The following BAZ2A variants were observed in gnomAD, a reference collection of about 807,000 sequenced individuals.
BAZ2A encodes the protein bromodomain adjacent to zinc finger domain 2A.
BAZ2A carries 34 observed loss-of-function variants against 199.9 expected under a neutral mutation model. That is an observed-to-expected ratio of 0.17 (90% confidence interval 0.13 to 0.23). The LOEUF (loss-of-function observed/expected upper bound fraction) is 0.23. Ranked by LOEUF, BAZ2A falls within the 10% of genes least tolerant of loss-of-function variation. The pLI, the probability that BAZ2A is intolerant of heterozygous loss-of-function variation, is 1.00. For synonymous variants in BAZ2A, 857 were observed against 883.9 expected (o/e 0.97, Z 0.54); for missense variants, 2,002 against 2,391.1 (o/e 0.84, Z 3.39).
rs749228591 is a variant in BAZ2A at position 56,598,638 on chromosome 12, C to A, written c.5692G>T (p.Gly1898Ter). The A allele has an allele frequency of 6.2e-7, 1 of 1,613,624 alleles. No homozygotes were observed. Among genetic ancestry groups the A allele is most frequent in the Admixed American group, 1.7e-5 (1 of 59,976 alleles). Reference sequence around the variant, plus strand: ...TTGCCTCACAGATTGGCCTGTTTTCCCTGATAAAACTCCTCCCAGCGGCTC... The same window carrying A: ...TTGCCTCACAGATTGGCCTGTTTTCACTGATAAAACTCCTCCCAGCGGCTC... ...FESRWEEFYQ[G>*]KQANL The change falls in exon 29 of 29, where the codon GGA (glycine) becomes TGA (stop). Residue 1898 changes from glycine (G) to a stop codon, truncating the protein, a stop_gained. Coordinates refer to ENST00000549884, the MANE Select transcript of BAZ2A (RefSeq NM_001300905.2). LOFTEE classifies it high-confidence loss of function.
chr12:56,604,461 C>G, intron 15 of BAZ2A, 124 bp downstream of exon 15: 1 of 1,340,614 alleles, frequency 7.5e-7, no homozygotes. Context: ...AGTCCCAAGT[C>G]ATTCCAGCAT....
chr12:56,602,789 C>T lies in BAZ2A; in HGVS notation c.3348G>A (p.Gln1116=), dbSNP rs545609280. The part of the protein sequence containing the change: ...SQMLRAVSLG[Q]DRYRRRYWVL... ...CCCAGTAGCGACGTCTGTAGCGGTC[C>T]TGACCCAGGGAGACCGCCCGAAGCA... Residue 1116 remains glutamine (Q), a synonymous_variant, in exon 19 of 29, where the codon CAG becomes CAA. Transcript: ENST00000549884. 12 of 1,613,962 alleles carry T rather than the reference C, an allele frequency of 7.4e-6. No homozygotes were observed. The Admixed American group carries it at 2.0e-4, about 27-fold the overall frequency.
intron 2 of BAZ2A, among the ~76,000 whole-genome samples, chr12:56,615,906 T>C (rs1414090938): frequency 6.6e-6 from 1 of 151,958 alleles, no homozygotes; most frequent in East Asian, 1.9e-4. Context: ...TTGGTTTATT[T>C]TTTGTTTGTT....
In BAZ2A at chr12:56,611,870, T is replaced by A; in HGVS notation, c.1512A>T (p.Pro504=). Residue 504 remains proline, a synonymous_variant, in exon 6 of 29, where the codon CCA becomes CCT. Coordinates refer to ENST00000549884, the MANE Select transcript of BAZ2A (RefSeq NM_001300905.2). ...SPVTSPAAAF[P]TASPANKDVS... is the part of the protein sequence containing the mutation. ...CATCCTTATTTGCTGGGGAGGCTGT[T>A]GGAAAGGCAGCTGCTGGGGAAGTTA... The A allele has an allele frequency of 1.2e-6, 2 of 1,602,982 alleles. No homozygotes were observed. The highest frequency in any genetic ancestry group is 1.7e-6 in the Non-Finnish European group (2 of 1,173,516).
At position 56,603,349 on chromosome 12, in the gene BAZ2A, A is replaced by G; in HGVS notation, c.3279+10T>C. On this transcript the variant is annotated intron_variant, in intron 18 of 28. Transcript: ENST00000549884. Reference sequence around the variant, plus strand: ...TATCTCCAACTCTTGGGAGGTTAGAAGCACAATACCTTGCTGAGTTTTTCT... The same window carrying G: ...TATCTCCAACTCTTGGGAGGTTAGAGGCACAATACCTTGCTGAGTTTTTCT... 6.2e-7 allele frequency: 1 copy of G among 1,613,762 alleles called. No homozygotes were observed. Among genetic ancestry groups the G allele is most frequent in the African/African-American group, 1.3e-5 (1 of 75,060 alleles).
At chr12:56,628,316 A>G (rs1951179954) in intron 1 of BAZ2A, among the ~76,000 whole-genome samples, 1 of 152,044 alleles carries the variant, frequency 6.6e-6, no homozygotes, top group Non-Finnish European at 1.5e-5. Context: ...CATAGCACAC[A>G]GTCCATCACT....
intron 1 of BAZ2A, among the ~76,000 whole-genome samples, chr12:56,622,864 C>A (rs188935576): frequency 6.6e-6 from 1 of 152,258 alleles, no homozygotes; most frequent in African/African-American, 2.4e-5. Context: ...AAAGCCCTCC[C>A]CACAGGGCCG....
intron 10 of BAZ2A, among the ~76,000 whole-genome samples, chr12:56,607,267 T>A (rs1002291519): frequency 6.6e-6 from 1 of 152,238 alleles, no homozygotes; most frequent in African/African-American, 2.4e-5. Context: ...CTCCATGTCT[T>A]GCTTCACTAA....
rs1337235180 is a variant in BAZ2A, at chr12:56,613,050, G to A, written c.1100C>T (p.Thr367Ile). ...QTSTSIFASP[T>I]SPPVLGESVL... The stretch of plus-strand genomic sequence containing the variant: ...AGACTCCCCTAGGACAGGTGGAGAG[G>A]TGGGACTGGCAAAGATAGAGGTTGA... Residue 367 changes from threonine to isoleucine, a missense_variant, in exon 5 of 29, where the codon ACC becomes ATC. By Grantham distance (89) the Thr-to-Ile change is moderately conservative. Around this residue, in one of 6 missense-constraint regions of BAZ2A, gnomAD observed 641 missense variants for 694.5 expected, o/e 0.92. Coordinates refer to ENST00000549884, the MANE Select transcript of BAZ2A (RefSeq NM_001300905.2). 1 of 1,613,758 alleles carries A rather than the reference G, an allele frequency of 6.2e-7. No homozygotes were observed. Among genetic ancestry groups the A allele is most frequent in the African/African-American group, 1.3e-5 (1 of 74,924 alleles).
At position 56,599,322 on chromosome 12, in the gene BAZ2A, G is replaced by A. The variant is rs757902684; in HGVS notation, c.5209C>T (p.Pro1737Ser). The A allele has an allele frequency of 3.7e-6, 6 of 1,613,516 alleles. No individual in the cohort carries two copies. Among genetic ancestry groups the A allele is most frequent in the Non-Finnish European group, 4.2e-6 (5 of 1,179,846 alleles). The change falls in exon 27 of 29, where the codon CCA (proline) becomes TCA (serine). Residue 1737 changes from proline (P) to serine (S), a missense_variant. Pro to Ser is a moderately conservative substitution (Grantham distance 74, BLOSUM62 -1). Around this residue, in one of 6 missense-constraint regions of BAZ2A, gnomAD observed 122 missense variants for 123.0 expected, o/e 0.99. Coordinates refer to ENST00000549884, the MANE Select transcript of BAZ2A (RefSeq NM_001300905.2). ...CTTTTCCGCTTCTGGCCACGCTTTG[G>A]GAAACCAGGCTTCTGAGTGAATTCT... is the stretch of plus-strand genomic sequence containing the variant. ...EGEFTQKPGF[P>S]KRGQKRKSGY... is the part of the protein sequence containing the mutation.
chr12:56,613,855 CCT>C lies in BAZ2A; in HGVS notation c.916+96_916+97del, dbSNP rs755105778. 4.3e-4 allele frequency: 569 copies of C among 1,332,310 alleles called. 2 individuals are homozygous for C. The highest frequency in any genetic ancestry group is 5.6e-4 in the Non-Finnish European group (547 of 979,738). 82.5% of individuals were successfully genotyped at this position (1,332,310 alleles called of 1,614,324 possible). A position where few individuals can be genotyped will look rare whatever the true frequency, so the allele number is the denominator to read the frequency against. ...AGGCCTACCTGGAAGCCCCAGTGCC[CCT>C]GATTGCCTAATACTTTTCCCATTTT... is the stretch of plus-strand genomic sequence containing the variant. On this transcript the variant is annotated intron_variant, in intron 4 of 28. Coordinates refer to ENST00000549884, the MANE Select transcript of BAZ2A (RefSeq NM_001300905.2).
intron 13 of BAZ2A, 52 bp from the exon 14 acceptor site, chr12:56,605,379 C>A: frequency 6.7e-7 from 1 of 1,489,522 alleles, no homozygotes; most frequent in Non-Finnish European, 9.1e-7. Flanking sequence ...CAGAAGATGA[C>A]AATTTGCATG....
chr12:56,609,192 G>A (rs1480460526), intron 10 of BAZ2A, among the ~76,000 whole-genome samples: 1 of 151,604 alleles, frequency 6.6e-6, no homozygotes. Context: ...ATTTTTTTTA[G>A]AAACAGGGCC....
upstream of BAZ2A, among the ~76,000 whole-genome samples, chr12:56,634,303 C>T (rs992078100): frequency 6.6e-6 from 1 of 152,124 alleles, no homozygotes; most frequent in Non-Finnish European, 1.5e-5. Context: ...TCCGGCAGCG[C>T]CCTGGCCCCC....
intron 1 of BAZ2A, among the ~76,000 whole-genome samples, chr12:56,619,173 A>AC (rs1487454608): frequency 6.6e-6 from 1 of 150,850 alleles, no homozygotes; most frequent in East Asian, 2.0e-4. Flanking sequence ...GTGAAACCCT[A>AC]CCTCTACTAA....
chr12:56,608,612 C>T (rs1339836728), intron 10 of BAZ2A, among the ~76,000 whole-genome samples: 2 of 151,680 alleles, frequency 1.3e-5, no homozygotes, highest in Non-Finnish European at 2.9e-5. Flanking sequence ...TCTTGTTGCC[C>T]AGGCTGGAGT....
chr12:56,622,712 G>A (rs1400079373), intron 1 of BAZ2A, among the ~76,000 whole-genome samples: 3 of 152,166 alleles, frequency 2.0e-5, no homozygotes, highest in Non-Finnish European at 2.9e-5. Context: ...CCAACCCCTA[G>A]AGTAGCAGAT....
chr12:56,605,570 T>C (rs1342617244), intron 13 of BAZ2A: 2 of 610,924 alleles, frequency 3.3e-6, no homozygotes, highest in Non-Finnish European at 5.5e-6. Context: ...TACAGGTACA[T>C]GCCACCACAC....
rs56185332 is a variant in BAZ2A at position 56,597,562 on chromosome 12, G to GCACACACACACACACACACACACA, written c.*1055_*1056insTGTGTGTGTGTGTGTGTGTGTGTG. On this transcript the variant is annotated 3_prime_UTR_variant, in exon 29 of 29. Coordinates refer to ENST00000549884, the MANE Select transcript of BAZ2A (RefSeq NM_001300905.2). ...TCAAACAATACAGGGTCACAAGCAC[G>GCACACACACACACACACACACACA]CACACACACACACACACACAGCGCG... 7.2e-6 allele frequency: 1 copy of GCACACACACACACACACACACACA among 138,718 alleles called. No individual in the cohort carries two copies. The highest frequency in any genetic ancestry group is 3.0e-5 in the African/African-American group (1 of 33,652). The allele number at this position is 138,718 out of a possible 1,614,324, so 8.6% of individuals were successfully genotyped here. A position where few individuals can be genotyped will look rare whatever the true frequency, so the allele number is the denominator to read the frequency against.
Sources: allele counts gnomAD v4.1 joint callset (sites outside exome capture counted in the v4.1 genomes callset), GRCh38; gene constraint gnomAD v4.1.1; regional missense constraint gnomAD v4.1.1; transcripts MANE v1.5; gene names NCBI Gene and HGNC (gene_info 2026-07-23, HGNC 2026-07-21).